The following PACRG variants were observed in gnomAD, a reference collection of about 807,000 sequenced individuals.
PACRG encodes the protein parkin coregulated.
PACRG carries 29 observed loss-of-function variants against 29.7 expected under a neutral mutation model. The ratio of observed to expected loss-of-function variants is 0.98; its 90% CI spans 0.73 to 1.33. PACRG has a LOEUF of 1.33. PACRG is among the 40% of genes most tolerant of loss of function. PACRG has a pLI of 0.00. For synonymous variants in PACRG, 116 were observed against 118.7 expected (o/e 0.98, Z 0.15); for missense variants, 279 against 316.2 (o/e 0.88, Z 0.89).
intron 1 of PACRG, among the ~76,000 whole-genome samples, chr6:162,770,099 A>G (rs973140501): frequency 3.3e-5 from 5 of 152,122 alleles, no homozygotes; most frequent in African/African-American, 9.7e-5. Context: ...AATTATCTCA[A>G]TATTTCCTAC....
chr6:163,033,900 C>T (rs1807907222), intron 2 of PACRG, among the ~76,000 whole-genome samples: 1 of 152,162 alleles, frequency 6.6e-6, no homozygotes, highest in Admixed American at 6.5e-5. Context: ...GTCCTAAGCC[C>T]ATGTTCTATC....
intron 4 of PACRG, among the ~76,000 whole-genome samples, chr6:163,237,551 G>A (rs550477032): frequency 8.5e-5 from 13 of 152,140 alleles, no homozygotes; most frequent in Admixed American, 2.6e-4. Flanking sequence ...AAGGCCAACG[G>A]TAACATTATT....
rs143533793 is a variant in PACRG, at chr6:162,848,174, G to T, written c.291+33893G>T. ...AGCTCCAAGGGATGGAGCCCAAGAG[G>T]GGCCTCTGGATTTGGCAAGCATTCA... On this transcript the variant is annotated intron_variant, in intron 2 of 4. Transcript: ENST00000366888. 3.2e-3 allele frequency among the ~76,000 whole-genome samples: 485 copies of T among 152,272 alleles called. 8 individuals are homozygous for T. The highest frequency in any genetic ancestry group is 0.011 in the African/African-American group (459 of 41,544).
intron 1 of PACRG, among the ~76,000 whole-genome samples, chr6:162,786,249 C>G (rs1407246661): frequency 6.6e-6 from 1 of 152,154 alleles, no homozygotes; most frequent in Non-Finnish European, 1.5e-5. Context: ...TGTGGGTCTT[C>G]TGTGAAGACT....
At chr6:163,178,358 T>A (rs10806771) in intron 4 of PACRG, among the ~76,000 whole-genome samples, 46,112 of 152,064 alleles carry the variant, frequency 0.3, 7,229 homozygotes, top group East Asian at 0.46. Flanking sequence ...GGGGAAGTGC[T>A]GCGTAGACTC....
At chr6:163,161,582 T>C (rs944463395) in intron 4 of PACRG, among the ~76,000 whole-genome samples, 1 of 152,234 alleles carries the variant, frequency 6.6e-6, no homozygotes, top group Non-Finnish European at 1.5e-5. Context: ...TACACGTGCG[T>C]ATATTTTGTG....
At chr6:163,301,156 C>G (rs561225788) in intron 4 of PACRG, among the ~76,000 whole-genome samples, 4 of 152,318 alleles carry the variant, frequency 2.6e-5, no homozygotes, top group Non-Finnish European at 5.9e-5. Context: ...CTTATCAGGG[C>G]TGCATGTCTC....
At chr6:163,289,793 C>A (rs933179125) in intron 4 of PACRG, among the ~76,000 whole-genome samples, 1 of 152,014 alleles carries the variant, frequency 6.6e-6, no homozygotes, top group Admixed American at 6.5e-5. Flanking sequence ...TTGTGCCCCC[C>A]ACCTTGACCA....
intron 2 of PACRG, among the ~76,000 whole-genome samples, chr6:162,831,233 A>G (rs1413487966): frequency 6.6e-6 from 1 of 152,176 alleles, no homozygotes; most frequent in East Asian, 1.9e-4. Flanking sequence ...ACCACCACTT[A>G]TTCATTCTAA....
chr6:162,918,193 T>G (rs1448846326), intron 2 of PACRG, among the ~76,000 whole-genome samples: 1 of 152,212 alleles, frequency 6.6e-6, no homozygotes, highest in Non-Finnish European at 1.5e-5. Flanking sequence ...TGGATTAAAT[T>G]CATTTAAAAT....
intron 1 of PACRG, among the ~76,000 whole-genome samples, chr6:162,787,521 A>ATG (rs777013307): frequency 4.5e-5 from 6 of 134,652 alleles, no homozygotes; most frequent in South Asian, 2.4e-4. Context: ...GTGTGTGTAT[A>ATG]TGTGTGTGTG....
At chr6:163,294,425 C>T (rs945686453) in intron 4 of PACRG, among the ~76,000 whole-genome samples, 1 of 152,104 alleles carries the variant, frequency 6.6e-6, no homozygotes, top group Non-Finnish European at 1.5e-5. Flanking sequence ...TTACTAAAAA[C>T]AAAATTTACA....
chr6:163,142,931 C>T (rs1430344289), intron 4 of PACRG, among the ~76,000 whole-genome samples: 4 of 152,134 alleles, frequency 2.6e-5, no homozygotes, highest in South Asian at 2.1e-4. Flanking sequence ...ACCAAGAATC[C>T]GTCCTAGAAC....
intron 1 of PACRG, among the ~76,000 whole-genome samples, chr6:162,787,943 C>A (rs964161176): frequency 6.6e-6 from 1 of 151,836 alleles, no homozygotes; most frequent in Non-Finnish European, 1.5e-5. Context: ...CAAAATTGGG[C>A]AACAAAAGGT....
chr6:163,017,894 T>C (rs73783966), intron 2 of PACRG, among the ~76,000 whole-genome samples: 20,400 of 152,144 alleles, frequency 0.13, 1,464 homozygotes, highest in East Asian at 0.22. Flanking sequence ...TGCCTCTCCA[T>C]TTTTATGTGA....
chr6:163,128,131 G>A (rs1816590536), intron 4 of PACRG, among the ~76,000 whole-genome samples: 1 of 152,196 alleles, frequency 6.6e-6, no homozygotes, highest in Non-Finnish European at 1.5e-5. Context: ...ACTCAGGAAA[G>A]CCACTTAAAA....
intron 4 of PACRG, among the ~76,000 whole-genome samples, chr6:163,216,149 T>C (rs375991343): frequency 4.6e-5 from 7 of 152,242 alleles, no homozygotes; most frequent in African/African-American, 1.4e-4. Context: ...GTTTTTCCTG[T>C]GTTGTCTAAT....
intron 2 of PACRG, among the ~76,000 whole-genome samples, chr6:163,052,862 A>G (rs1810164153): frequency 6.6e-6 from 1 of 152,194 alleles, no homozygotes; most frequent in South Asian, 2.1e-4. Flanking sequence ...AGGTCATTGT[A>G]AGATTTAAAG....
intron 2 of PACRG, among the ~76,000 whole-genome samples, chr6:162,859,916 T>C (rs1791717114): frequency 6.6e-6 from 1 of 152,188 alleles, no homozygotes; most frequent in Non-Finnish European, 1.5e-5. Context: ...TTTTTATGCT[T>C]TTCTCTTGTT....
Sources: allele counts gnomAD v4.1 joint callset (sites outside exome capture counted in the v4.1 genomes callset), GRCh38; gene constraint gnomAD v4.1.1; transcripts MANE v1.5; gene names NCBI Gene and HGNC (gene_info 2026-07-23, HGNC 2026-07-21).